ERFL: variants seen among roughly 807,000 people sequenced by gnomAD.
The protein encoded by ERFL is ETS repressor factor like.
Under a neutral mutation model 27.9 loss-of-function variants are expected in ERFL, and 8 were observed. The ratio of observed to expected loss-of-function variants is 0.29; its 90% CI spans 0.17 to 0.52. The LOEUF is 0.52. Among genes scored for constraint, ERFL ranks in the 20% least tolerant of loss-of-function variants. The pLI is 0.97. For missense variants in ERFL, 294 were observed against 444.4 expected, an observed-to-expected ratio of 0.66 and a Z score of 3.04; for synonymous variants, 174 against 202.8, an observed-to-expected ratio of 0.86 and a Z score of 1.21.
intron 1 of ERFL, among the ~76,000 whole-genome samples, chr19:41,919,670 A>C (rs1199210460): frequency 6.6e-6 from 1 of 152,030 alleles, no homozygotes; most frequent in Non-Finnish European, 1.5e-5. Context: ...GCTCTTCCTC[A>C]GCTGCGTCCT....
At chr19:41,923,263 G>A (rs1343835489) in intron 1 of ERFL, 2 of 444,672 alleles carry the variant, frequency 4.5e-6, no homozygotes, top group Admixed American at 2.4e-5. Flanking sequence ...CCCGATATTT[G>A]TACTGTCAGA....
intron 1 of ERFL, among the ~76,000 whole-genome samples, chr19:41,920,530 ATG>A (rs1555852387): frequency 6.6e-6 from 1 of 151,574 alleles, no homozygotes; most frequent in African/African-American, 2.4e-5. Context: ...CACAGACATG[ATG>A]CACTCACAGA....
intron 1 of ERFL, chr19:41,923,259 A>G: frequency 2.2e-6 from 1 of 446,266 alleles, no homozygotes; most frequent in Middle Eastern, 3.3e-4. Context: ...GGCCCCCGAT[A>G]TTTGTACTGT....
chr19:41,908,609 G>A lies in ERFL; in HGVS notation c.684C>T (p.Pro228=). The A allele has an allele frequency of 8.1e-7, 1 of 1,231,788 alleles. No homozygotes were observed. The highest frequency in any genetic ancestry group is 1.0e-6 in the Non-Finnish European group (1 of 988,122). The allele number at this position is 1,231,788 out of a possible 1,614,324, so 76.3% of individuals were successfully genotyped here. A position where few individuals can be genotyped will look rare whatever the true frequency, so the allele number is the denominator to read the frequency against. ...CCGTGAGGTACGGGTTAAAGTTCCA[G>A]GGGTACTCAGGGAAGGCGCGGCCAT... ...GPYGRAFPEY[P]WNFNPYLTGP... is the part of the protein sequence containing the mutation. Residue 228 remains proline, a synonymous_variant, in exon 6 of 6, where the codon CCC becomes CCT. Transcript: ENST00000597630. This position sits in a 1 kb window ranked among gnomAD's most constrained non-coding sequence, Gnocchi z 6.7.
intron 1 of ERFL, among the ~76,000 whole-genome samples, chr19:41,918,566 CACAT>C (rs1555852144): frequency 3.4e-5 from 5 of 147,978 alleles, no homozygotes. Context: ...CACTAACCCT[CACAT>C]ACACCACACA....
At chr19:41,920,397 A>G (rs782236116) in intron 1 of ERFL, among the ~76,000 whole-genome samples, 3 of 139,902 alleles carry the variant, frequency 2.1e-5, no homozygotes, top group Non-Finnish European at 3.1e-5. Context: ...ACATGCCCAG[A>G]TGTGACACAC....
At position 41,917,420 on chromosome 19, in the gene ERFL, G is replaced by A. The variant is rs554657633; in HGVS notation, c.-13-4488C>T. The stretch of plus-strand genomic sequence containing the variant: ...TTCTCTAAGCTGCGCCGGCCGCCTC[G>A]GGAGCCGCCTCGGGCCTCGCACCCC... On this transcript the variant is annotated intron_variant, in intron 1 of 5. Coordinates refer to ENST00000597630, the MANE Select transcript of ERFL (RefSeq NM_001365103.2). This position sits in a 1 kb window ranked among gnomAD's most constrained non-coding sequence, Gnocchi z 4.8. Among the ~76,000 whole-genome samples, 6 of 151,878 alleles carry A rather than the reference G, an allele frequency of 4.0e-5. No individual in the cohort carries two copies. Among genetic ancestry groups the A allele is most frequent in the Admixed American group, 1.3e-4 (2 of 15,256 alleles).
intron 1 of ERFL, among the ~76,000 whole-genome samples, chr19:41,923,822 A>G (rs1330869430): frequency 2.1e-3 from 7 of 3,270 alleles, no homozygotes; most frequent in African/African-American, 3.1e-3. Flanking sequence ...GTTGGGAGGG[A>G]GCTGTGCTGG....
chr19:41,907,886 G>A lies in ERFL; in HGVS notation c.*342C>T, dbSNP rs894747406. 1.4e-5 allele frequency: 3 copies of A among 221,524 alleles called. No homozygotes were observed. Among genetic ancestry groups the A allele is most frequent in the Non-Finnish European group, 2.4e-5 (3 of 125,520 alleles). The allele number at this position is 221,524 out of a possible 1,614,324, so 13.7% of individuals were successfully genotyped here. A position where few individuals can be genotyped will look rare whatever the true frequency, so the allele number is the denominator to read the frequency against. ...GTGTCAGGACTGGGGCCAGCACAGG[G>A]GGTTTGGAGACACGGCCACACAAAC... On this transcript the variant is annotated 3_prime_UTR_variant, in exon 6 of 6. Transcript: ENST00000597630.
chr19:41,917,078 C>T lies in ERFL; in HGVS notation c.-13-4146G>A, dbSNP rs1488498749. Reference sequence around the variant, plus strand: ...CAGACCTGCTTCTGTGACTGCCTCTCGAGACACAGGTCTCTCGGTCTCTCT... The same window carrying T: ...CAGACCTGCTTCTGTGACTGCCTCTTGAGACACAGGTCTCTCGGTCTCTCT... On this transcript the variant is annotated intron_variant, in intron 1 of 5. Transcript: ENST00000597630. The surrounding 1 kb of genome is among the most constrained non-coding windows in gnomAD (Gnocchi z 4.8). 2.0e-5 allele frequency among the ~76,000 whole-genome samples: 3 copies of T among 152,154 alleles called. No individual in the cohort carries two copies. Among genetic ancestry groups the T allele is most frequent in the East Asian group, 1.9e-4 (1 of 5,200 alleles).
At chr19:41,912,600 C>A (rs1434189076) in intron 2 of ERFL, among the ~76,000 whole-genome samples, 1 of 152,252 alleles carries the variant, frequency 6.6e-6, no homozygotes, top group African/African-American at 2.4e-5. Context: ...TCCGTCCTCA[C>A]CCCTCACTCA....
chr19:41,912,677 G>A (rs990777918), intron 2 of ERFL, among the ~76,000 whole-genome samples, 176 bp downstream of exon 2: 1 of 152,196 alleles, frequency 6.6e-6, no homozygotes. Flanking sequence ...ATCTGGCTGC[G>A]AAGTTTTTAG....
At chr19:41,918,093 C>T (rs150733096) in intron 1 of ERFL, among the ~76,000 whole-genome samples, 16 of 152,080 alleles carry the variant, frequency 1.1e-4, no homozygotes, top group African/African-American at 3.4e-4. Context: ...GGCATGCCCC[C>T]CCATCCCGGA....
In ERFL at chr19:41,914,082, C is replaced by CT. The variant is rs1461672596; in HGVS notation, c.-13-1151_-13-1150insA. Among the ~76,000 whole-genome samples the CT allele has an allele frequency of 1.4e-3, 214 of 150,660 alleles. 3 individuals carry two copies. The highest frequency in any genetic ancestry group is 5.0e-3 in the African/African-American group (204 of 40,880). On this transcript the variant is annotated intron_variant, in intron 1 of 5. Transcript: ENST00000597630. ...TGTTCCCCCGTGAGCCCCGCCTACC[C>CT]CTGGACACTGGACAAAACTTTTCAG...
chr19:41,914,715 T>TGTCTCC (rs1449970320), intron 1 of ERFL, among the ~76,000 whole-genome samples: 1 of 17,856 alleles, frequency 5.6e-5, no homozygotes, highest in Non-Finnish European at 8.3e-5. Flanking sequence ...CCACCATCTC[T>TGTCTCC]GTCTCTCCCT....
chr19:41,919,512 T>TACACACACACACAC (rs60525805), intron 1 of ERFL, among the ~76,000 whole-genome samples: 1 of 146,592 alleles, frequency 6.8e-6, no homozygotes, highest in African/African-American at 2.5e-5. Context: ...CGTGCACGCG[T>TACACACACACACAC]ACACACACAC....
rs545732469 is a variant in ERFL at position 41,917,585 on chromosome 19, C to T, written c.-13-4653G>A. ...GGGCTCTGTCTAAAGAGGAGAGAGA[C>T]GCGGCCTAAGACCCTTCTGCCACCG... On this transcript the variant is annotated intron_variant, in intron 1 of 5. Transcript: ENST00000597630. This position sits in a 1 kb window ranked among gnomAD's most constrained non-coding sequence, Gnocchi z 4.8. Among the ~76,000 whole-genome samples the T allele has an allele frequency of 8.6e-4, 130 of 151,658 alleles. 1 individual carries two copies. The highest frequency in any genetic ancestry group is 2.8e-3 in the African/African-American group (117 of 41,290).
intron 1 of ERFL, among the ~76,000 whole-genome samples, chr19:41,925,223 G>T (rs558747933): frequency 1.6e-3 from 237 of 152,272 alleles, no homozygotes; most frequent in African/African-American, 5.5e-3. Context: ...CAGGGCAGAG[G>T]ATTCCCTGGG....
chr19:41,914,255 C>T (rs1043222511), intron 1 of ERFL, among the ~76,000 whole-genome samples: 7 of 151,520 alleles, frequency 4.6e-5, no homozygotes, highest in East Asian at 1.9e-4. Flanking sequence ...CCATCTGCCC[C>T]GTCTCGGTAT....
Sources: allele counts gnomAD v4.1 joint callset (sites outside exome capture counted in the v4.1 genomes callset), GRCh38; gene constraint gnomAD v4.1.1; non-coding constraint Gnocchi (gnomAD v3.1); transcripts MANE v1.5; gene names NCBI Gene and HGNC (gene_info 2026-07-23, HGNC 2026-07-21).